Variants in MCOLN3 observed in about 807,000 individuals in gnomAD.
MCOLN3 encodes mucolipin TRP cation channel 3.
A neutral mutation model predicts 69.4 loss-of-function variants in MCOLN3; 62 were observed. The ratio of observed to expected loss-of-function variants is 0.89; its 90% CI spans 0.73 to 1.10. The LOEUF is 1.10. MCOLN3 is among the 50% of genes least tolerant of loss of function. MCOLN3 has a pLI of 0.00. For synonymous variants in MCOLN3, 183 were observed against 217.0 expected, an observed-to-expected ratio of 0.84 and a Z score of 1.38; for missense variants, 564 against 656.4, an observed-to-expected ratio of 0.86 and a Z score of 1.54.
intron 1 of MCOLN3, among the ~76,000 whole-genome samples, chr1:85,047,899 G>T: frequency 6.6e-6 from 1 of 152,216 alleles, no homozygotes; most frequent in East Asian, 1.9e-4. Context: ...CCGGCTGGCG[G>T]CTGCTTTCAG....
Position 85,034,049 on chromosome 1 carries a change from TAAATTGAGGTGTTAA to T in MCOLN3, c.550+34_550+48del, listed in dbSNP as rs570190265. On this transcript the variant is annotated intron_variant, in intron 4 of 12. Coordinates refer to ENST00000370589, the MANE Select transcript of MCOLN3 (RefSeq NM_018298.11). ...AAGATGAAATTACTAATTTTAAATA[TAAATTGAGGTGTTAA>T]AAATTGAGGTTCTAGGTTATAGAAG... 1,808 of 1,569,756 alleles carry T rather than the reference TAAATTGAGGTGTTAA, an allele frequency of 1.2e-3. 3 individuals carry two copies. Among genetic ancestry groups the T allele is most frequent in the Non-Finnish European group, 1.4e-3 (1,610 of 1,144,772 alleles).
At chr1:85,038,660 C>T (rs1652913439) in intron 3 of MCOLN3, among the ~76,000 whole-genome samples, 1 of 152,160 alleles carries the variant, frequency 6.6e-6, no homozygotes, top group Non-Finnish European at 1.5e-5. Flanking sequence ...GAAATGCTTT[C>T]TTCACAGAAA....
Position 85,022,328 on chromosome 1 carries a change from G to A in MCOLN3, c.1168C>T (p.Arg390Ter), listed in dbSNP as rs187985308. 273 of 1,613,816 alleles carry A rather than the reference G, an allele frequency of 1.7e-4. 3 individuals are homozygous for A. The South Asian group carries it at 2.0e-3, about 12-fold the overall frequency. The change falls in exon 10 of 13, where the codon CGA (arginine) becomes TGA (stop). Residue 390 changes from arginine (R) to a stop codon, truncating the protein, a stop_gained. Coordinates refer to ENST00000370589, the MANE Select transcript of MCOLN3 (RefSeq NM_018298.11). LOFTEE classifies it high-confidence loss of function. ...TACTTTGCAAAGAAACCGAGGTATC[G>A]GATGACTCCAAGCCACACGAGCATG... The part of the protein sequence containing the change: ...STMLVWLGVI[R>*]YLGFFAKYNL...
At chr1:85,047,730 T>C (rs906835946) in intron 1 of MCOLN3, 2 of 152,288 alleles carry the variant, frequency 1.3e-5, no homozygotes, top group African/African-American at 4.8e-5. Flanking sequence ...CACAAAACTT[T>C]AGTCTCTCCA....
intron 4 of MCOLN3, 38 bp from the exon 5 acceptor site, chr1:85,032,994 A>T: frequency 6.5e-7 from 1 of 1,540,298 alleles, no homozygotes; most frequent in Non-Finnish European, 9.0e-7. Flanking sequence ...TACAGTACTT[A>T]AATAAGACTG....
intron 9 of MCOLN3, 51 bp downstream of exon 9, chr1:85,025,888 C>G (rs761013584): frequency 1.3e-6 from 2 of 1,499,064 alleles, no homozygotes; most frequent in East Asian, 4.6e-5. Context: ...AAATACATTA[C>G]CATTAGTGCA....
intron 1 of MCOLN3, among the ~76,000 whole-genome samples, chr1:85,047,982 G>T (rs920051357): frequency 6.6e-6 from 1 of 152,332 alleles, no homozygotes; most frequent in East Asian, 1.9e-4. Context: ...AGTCCGCCTT[G>T]AAAGGGGCCA....
In MCOLN3 at chr1:85,034,176, T is replaced by C. The variant is rs766461801; in HGVS notation, c.472A>G (p.Ile158Val). The stretch of plus-strand genomic sequence containing the variant: ...CCTCGCTTGTAGAAGTGCTGACAGA[T>C]TGCCATAGCAGATTGCTTGGTACCT... ...NKGTKQSAMA[I>V]CQHFYKRGNI... Residue 158 changes from isoleucine to valine, a missense_variant, in exon 4 of 13, where the codon ATC (isoleucine) becomes GTC (valine). Physicochemically the swap from Ile to Val is conservative, Grantham distance 29. Coordinates refer to ENST00000370589, the MANE Select transcript of MCOLN3 (RefSeq NM_018298.11). 24 of 1,614,108 alleles carry C rather than the reference T, an allele frequency of 1.5e-5. No homozygotes were observed. In the Admixed American group the frequency reaches 3.8e-4, roughly 26 times the overall value.
intron 3 of MCOLN3, chr1:85,036,715 G>A (rs921985877): frequency 1.3e-5 from 2 of 151,798 alleles, no homozygotes; most frequent in African/African-American, 4.8e-5. Context: ...CATACCAAAC[G>A]CTTTCCAGCT....
intron 3 of MCOLN3, among the ~76,000 whole-genome samples, chr1:85,037,306 TA>T (rs1652847179): frequency 1.3e-5 from 2 of 152,248 alleles, no homozygotes; most frequent in South Asian, 4.2e-4. Context: ...CCAGTGTGCC[TA>T]GAACATATGA....
At chr1:85,019,363 G>T in intron 12 of MCOLN3, 106 bp from the exon 13 acceptor site, 1 of 1,106,252 alleles carries the variant, frequency 9.0e-7, no homozygotes, top group Non-Finnish European at 1.3e-6. Context: ...TTTCTAGAGA[G>T]ATAGTATCGT....
chr1:85,046,790 C>T (rs902713238), intron 1 of MCOLN3, among the ~76,000 whole-genome samples: 3 of 152,060 alleles, frequency 2.0e-5, no homozygotes, highest in Admixed American at 6.5e-5. Context: ...ATGAATAAAC[C>T]ATAAAACATA....
rs1652681290 is a variant in MCOLN3, at chr1:85,034,114, A to G, written c.534T>C (p.Asp178=). ...IYPGNDTFDI[D]PEIETECFFV... ...GAACATCACCAGTTTCAATTTCTGG[A>G]TCGATGTCAAAGGTATCATTTCCAG... is the stretch of plus-strand genomic sequence containing the variant. Residue 178 remains aspartate (D), a synonymous_variant, in exon 4 of 13, where the codon GAT becomes GAC. Coordinates refer to ENST00000370589, the MANE Select transcript of MCOLN3 (RefSeq NM_018298.11). 1 of 1,614,184 alleles carries G rather than the reference A, an allele frequency of 6.2e-7. No individual in the cohort carries two copies.
chr1:85,038,225 GT>G (rs1652892432), intron 3 of MCOLN3, among the ~76,000 whole-genome samples: 1 of 152,158 alleles, frequency 6.6e-6, no homozygotes. Flanking sequence ...GTGTCTGGCA[GT>G]GTGGGCAACT....
rs1421785475 is a variant in MCOLN3 at position 85,045,120 on chromosome 1, C to A, written c.228+13G>T. 3 of 1,602,462 alleles carry A rather than the reference C, an allele frequency of 1.9e-6. No individual in the cohort carries two copies. Among genetic ancestry groups the A allele is most frequent in the African/African-American group, 1.3e-5 (1 of 74,554 alleles). ...AAGAGGCTTTCACCAAACTCATGATCTGAGATGCTTACCTGGATAGTCACC... is the reference window on the plus strand; with the variant it reads ...AAGAGGCTTTCACCAAACTCATGATATGAGATGCTTACCTGGATAGTCACC... On this transcript the variant is annotated intron_variant, in intron 2 of 12. Coordinates refer to ENST00000370589, the MANE Select transcript of MCOLN3 (RefSeq NM_018298.11).
rs1217778311 is a variant in MCOLN3, at chr1:85,018,619, C to G, written c.*504G>C. The G allele has an allele frequency of 6.5e-6, 1 of 152,860 alleles. No homozygotes were observed. Among genetic ancestry groups the G allele is most frequent in the Non-Finnish European group, 1.5e-5 (1 of 68,578 alleles). The allele number at this position is 152,860 out of a possible 1,614,324, so 9.5% of individuals were successfully genotyped here. On this transcript the variant is annotated 3_prime_UTR_variant, in exon 13 of 13. Coordinates refer to ENST00000370589, the MANE Select transcript of MCOLN3 (RefSeq NM_018298.11). The stretch of plus-strand genomic sequence containing the variant: ...GCTCTTATTCTGGTGCGCTCTTATT[C>G]TGGTGCACTCTTATTCTTCCTTTCA...
In MCOLN3 at chr1:85,019,372, G is replaced by A. The variant is rs568256668; in HGVS notation, c.1528-115C>T. 67 of 994,034 alleles carry A rather than the reference G, an allele frequency of 6.7e-5. No individual in the cohort carries two copies. In the African/African-American group the frequency reaches 7.8e-4, roughly 12 times the overall value. The allele number at this position is 994,034 out of a possible 1,614,324, so 61.6% of individuals were successfully genotyped here. On this transcript the variant is annotated intron_variant, in intron 12 of 12. Transcript: ENST00000370589. ...GGGGGTTTTCTAGAGAGATAGTATC[G>A]TTACTCCTGAGTACCTGCAAAGGAG...
At position 85,029,184 on chromosome 1, in the gene MCOLN3, G is replaced by A. The variant is rs561648187; in HGVS notation, c.754C>T (p.His252Tyr). 9.6e-5 allele frequency: 153 copies of A among 1,601,682 alleles called. No individual in the cohort carries two copies. The highest frequency in any genetic ancestry group is 1.7e-4 in the Middle Eastern group (1 of 6,040). Residue 252 changes from histidine to tyrosine, a missense_variant, in exon 7 of 13, where the codon CAT becomes TAT. Transcript: ENST00000370589. ...AAACTTATTTTAATTCTTCCACTAT[G>A]GGCCTTGTTGTCAAATGTTATCTGT... ...TLTITFDNKA[H>Y]SGRIKISLDN...
chr1:85,020,455 T>C (rs970782296), intron 12 of MCOLN3, among the ~76,000 whole-genome samples: 1 of 152,262 alleles, frequency 6.6e-6, no homozygotes, highest in Non-Finnish European at 1.5e-5. Context: ...GGATATTTAT[T>C]CTGCCTTTCC....
Sources: allele counts gnomAD v4.1 joint callset (sites outside exome capture counted in the v4.1 genomes callset), GRCh38; gene constraint gnomAD v4.1.1; transcripts MANE v1.5; gene names NCBI Gene and HGNC (gene_info 2026-07-23, HGNC 2026-07-21).